CPSF2: variants seen among roughly 807,000 people sequenced by gnomAD.
The protein encoded by CPSF2 is cleavage and polyadenylation specificity factor subunit 2.
Under a neutral mutation model 84.2 loss-of-function variants are expected in CPSF2, and 51 were observed. The observed-to-expected ratio is 0.61, with a 90% confidence interval of 0.48 to 0.77. The LOEUF is 0.77. Ranked by LOEUF, CPSF2 falls within the 30% of genes least tolerant of loss-of-function variation. The pLI is 0.00. For missense variants in CPSF2, 641 were observed against 929.4 expected, an observed-to-expected ratio of 0.69 and a Z score of 4.03; for synonymous variants, 286 against 311.9, an observed-to-expected ratio of 0.92 and a Z score of 0.87.
intron 3 of CPSF2, among the ~76,000 whole-genome samples, chr14:92,132,823 G>T (rs1487971429): frequency 6.6e-6 from 1 of 151,978 alleles, no homozygotes; most frequent in African/African-American, 2.4e-5. Flanking sequence ...GGGTGCGGTG[G>T]CTCATGCCTG....
chr14:92,160,705 A>G (rs2069360597), intron 14 of CPSF2, among the ~76,000 whole-genome samples: 1 of 152,238 alleles, frequency 6.6e-6, no homozygotes, highest in Non-Finnish European at 1.5e-5. Flanking sequence ...GGGACAGGGA[A>G]AATGGGATTG....
At chr14:92,122,201 G>C in intron 1 of CPSF2, 73 bp downstream of exon 1, 1 of 319,976 alleles carries the variant, frequency 3.1e-6, no homozygotes, top group South Asian at 2.6e-5. Flanking sequence ...CGGGAGCACG[G>C]GGCCCCGACT....
rs1033501241 is a variant in CPSF2 at position 92,168,348 on chromosome 14, C to T, written c.*6604C>T. 3.3e-5 allele frequency: 5 copies of T among 151,238 alleles called. No homozygotes were observed. Among genetic ancestry groups the T allele is most frequent in the African/African-American group, 4.9e-5 (2 of 41,210 alleles). The allele number at this position is 151,238 out of a possible 1,614,324, so 9.4% of individuals were successfully genotyped here. On this transcript the variant is annotated 3_prime_UTR_variant, in exon 16 of 16. Coordinates refer to ENST00000298875, the MANE Select transcript of CPSF2 (RefSeq NM_017437.3). ...CAAGCAAATGTTTATTTTTTTACCT[C>T]CTCTTTGGTTTTTGTCTCACTTGAA... is the stretch of plus-strand genomic sequence containing the variant.
chr14:92,155,355 C>A, intron 11 of CPSF2, 32 bp downstream of exon 11: 1 of 1,518,412 alleles, frequency 6.6e-7, no homozygotes, highest in Non-Finnish European at 9.1e-7. Flanking sequence ...TTCTCTCTTA[C>A]AAATTGGAGG....
chr14:92,150,125 T>C (rs547673374), intron 9 of CPSF2, among the ~76,000 whole-genome samples: 2 of 107,064 alleles, frequency 1.9e-5, no homozygotes, highest in Admixed American at 9.1e-5. Flanking sequence ...TTTTTGTTGG[T>C]ATTTTTTTTT....
intron 3 of CPSF2, 55 bp downstream of exon 3, chr14:92,131,188 A>G: frequency 7.1e-7 from 1 of 1,404,258 alleles, no homozygotes; most frequent in Non-Finnish European, 9.9e-7. Flanking sequence ...TCTTTTCTGT[A>G]CTGTAATACC....
At chr14:92,140,999 A>C (rs1237900718) in intron 7 of CPSF2, among the ~76,000 whole-genome samples, 1 of 152,126 alleles carries the variant, frequency 6.6e-6, no homozygotes, top group Non-Finnish European at 1.5e-5. Context: ...ACATATTTCC[A>C]AGGGGACTTT....
At chr14:92,146,938 C>A (rs2069152086) in intron 9 of CPSF2, among the ~76,000 whole-genome samples, 2 of 152,212 alleles carry the variant, frequency 1.3e-5, no homozygotes, top group African/African-American at 4.8e-5. Flanking sequence ...CCTGGTCATT[C>A]AGGCCTCAGG....
In CPSF2 at chr14:92,142,363, T is replaced by C. The variant is rs780033431; in HGVS notation, c.849+12T>C. The C allele has an allele frequency of 1.3e-6, 2 of 1,594,196 alleles. No homozygotes were observed. Among genetic ancestry groups the C allele is most frequent in the African/African-American group, 2.7e-5 (2 of 74,276 alleles). On this transcript the variant is annotated intron_variant, in intron 8 of 15. Transcript: ENST00000298875. Reference sequence around the variant, plus strand: ...TTTCTAAGTCCCAGGTTTGTTCTCATGTTGTCACTTGTAATAAGTTTGCTA... The same window carrying C: ...TTTCTAAGTCCCAGGTTTGTTCTCACGTTGTCACTTGTAATAAGTTTGCTA...
intron 1 of CPSF2, among the ~76,000 whole-genome samples, chr14:92,122,661 G>A (rs1470076279): frequency 2.6e-5 from 4 of 151,884 alleles, no homozygotes; most frequent in African/African-American, 9.7e-5. Context: ...GCCCTCCAGC[G>A]CTTCCACTAT....
chr14:92,142,248 T>C lies in CPSF2; in HGVS notation c.746T>C (p.Leu249Pro), dbSNP rs1340810631. 6.2e-7 allele frequency: 1 copy of C among 1,614,120 alleles called. No homozygotes were observed. The highest frequency in any genetic ancestry group is 1.7e-5 in the Admixed American group (1 of 60,020). The change falls in exon 8 of 16, where the codon CTT (leucine) becomes CCT (proline). Residue 249 changes from leucine to proline, a missense_variant. By Grantham distance (98) the Leu-to-Pro change is moderately conservative. This residue lies in a region of CPSF2 where 211 missense variants were observed against 375.7 expected (regional missense o/e 0.56). Coordinates refer to ENST00000298875, the MANE Select transcript of CPSF2 (RefSeq NM_017437.3). ...TAGRVLELAQ[L>P]LDQIWRTKDA... ...GGCAGAGTTTTGGAACTTGCTCAAC[T>C]TCTTGATCAGATTTGGAGGACTAAA...
Position 92,134,049 on chromosome 14 carries a change from C to T in CPSF2, c.188C>T (p.Pro63Leu). 6.2e-7 allele frequency: 1 copy of T among 1,614,178 alleles called. No individual in the cohort carries two copies. The highest frequency in any genetic ancestry group is 8.5e-7 in the Non-Finnish European group (1 of 1,180,022). Residue 63 changes from proline to leucine, a missense_variant, in exon 4 of 16, where the codon CCT (proline) becomes CTT (leucine). Physicochemically the swap from Pro to Leu is moderately conservative, Grantham distance 98. Around this residue, in one of 2 missense-constraint regions of CPSF2, gnomAD observed 211 missense variants for 375.7 expected, o/e 0.56. Coordinates refer to ENST00000298875, the MANE Select transcript of CPSF2 (RefSeq NM_017437.3). ...HQIDAVLLSHPDPLHLGALPY... is the reference protein window; with the variant it reads ...HQIDAVLLSHLDPLHLGALPY... ...ATTGATGCAGTGCTGTTGTCTCACC[C>T]TGATCCTCTCCACCTTGGTGCCCTC... is the stretch of plus-strand genomic sequence containing the variant.
At chr14:92,148,770 T>C (rs1196560462) in intron 9 of CPSF2, among the ~76,000 whole-genome samples, 1 of 121,644 alleles carries the variant, frequency 8.2e-6, no homozygotes, top group Non-Finnish European at 1.7e-5. Flanking sequence ...AGGCCTCTTC[T>C]CAAAAAAAAA....
At chr14:92,138,805 G>A (rs773125749) in intron 7 of CPSF2, among the ~76,000 whole-genome samples, 1 of 152,146 alleles carries the variant, frequency 6.6e-6, no homozygotes, top group East Asian at 1.9e-4. Context: ...CTCCAGAATC[G>A]TGAATGTTGT....
intron 3 of CPSF2, among the ~76,000 whole-genome samples, chr14:92,131,597 A>C (rs966331776): frequency 2.0e-5 from 3 of 152,098 alleles, no homozygotes; most frequent in Admixed American, 6.6e-5. Flanking sequence ...CCAGTACTTT[A>C]GGAGGCTGAG....
At chr14:92,140,502 G>A (rs2069063003) in intron 7 of CPSF2, among the ~76,000 whole-genome samples, 1 of 147,208 alleles carries the variant, frequency 6.8e-6, no homozygotes, top group Non-Finnish European at 1.5e-5. Context: ...GCGCGATCTC[G>A]GCTCATTGCA....
chr14:92,164,759 C>CT lies in CPSF2; in HGVS notation c.*3021dup, dbSNP rs1290353743. ...CAATTTTTTAAGGTGAGCCATTTGG[C>CT]TTTTTTAAAAAATTGAGATTCAACT... On this transcript the variant is annotated 3_prime_UTR_variant, in exon 16 of 16. Coordinates refer to ENST00000298875, the MANE Select transcript of CPSF2 (RefSeq NM_017437.3). 1.3e-5 allele frequency: 2 copies of CT among 152,252 alleles called. No homozygotes were observed. The highest frequency in any genetic ancestry group is 2.4e-5 in the African/African-American group (1 of 41,566). 9.4% of individuals were successfully genotyped at this position (152,252 alleles called of 1,614,324 possible). A position where few individuals can be genotyped will look rare whatever the true frequency, so the allele number is the denominator to read the frequency against.
At chr14:92,140,972 T>C (rs2069070893) in intron 7 of CPSF2, among the ~76,000 whole-genome samples, 1 of 152,130 alleles carries the variant, frequency 6.6e-6, no homozygotes, top group African/African-American at 2.4e-5. Flanking sequence ...TTAGTTTTGC[T>C]AGAGTTCAGT....
chr14:92,122,834 AC>A (rs1476418248), intron 1 of CPSF2, among the ~76,000 whole-genome samples: 16 of 146,398 alleles, frequency 1.1e-4, no homozygotes, highest in African/African-American at 3.8e-4. Flanking sequence ...AACCCCTTTA[AC>A]CCCTTTCTTT....
Sources: gnomAD v4.1 joint callset for allele counts (sites outside exome capture counted in the v4.1 genomes callset) on GRCh38, gnomAD v4.1.1 for gene constraint, gnomAD v4.1.1 regional missense constraint, MANE v1.5 for transcripts, NCBI Gene and HGNC (gene_info 2026-07-23, HGNC 2026-07-21) for gene names.